SHISA9: variants seen among roughly 807,000 people sequenced by gnomAD.
The protein encoded by SHISA9 is shisa family member 9.
In SHISA9, 13 loss-of-function variants were observed where a neutral mutation model predicts 38.0. The ratio of observed to expected loss-of-function variants is 0.34; its 90% confidence interval spans 0.22 to 0.54. The LOEUF (loss-of-function observed/expected upper bound fraction) is 0.54, where lower values mean the gene tolerates loss of function less well. Among genes scored for constraint, SHISA9 ranks in the 20% least tolerant of loss-of-function variants. SHISA9 has a pLI of 0.91. For synonymous variants in SHISA9, 275 were observed against 242.0 expected (o/e 1.14, Z -1.27); for missense variants, 538 against 575.8 (o/e 0.93, Z 0.67).
the SHISA9 span, among the ~76,000 whole-genome samples, chr16:13,493,780 A>G: frequency 6.6e-6 from 1 of 152,174 alleles, no homozygotes; most frequent in Non-Finnish European, 1.5e-5. Flanking sequence ...ATTCACCTCT[A>G]TGTGCTAAGT....
chr16:13,387,715 C>T, the SHISA9 span, among the ~76,000 whole-genome samples: 2 of 152,058 alleles, frequency 1.3e-5, no homozygotes, highest in African/African-American at 4.8e-5. Context: ...GTCTTGATCT[C>T]CTGACCTGGT....
chr16:12,939,437 G>C (rs529239952), intron 2 of SHISA9, among the ~76,000 whole-genome samples: 1 of 152,272 alleles, frequency 6.6e-6, no homozygotes, highest in East Asian at 1.9e-4. Flanking sequence ...TCCTCCCAGA[G>C]GTTTGTTGTT....
chr16:13,403,868 T>A, the SHISA9 span, among the ~76,000 whole-genome samples: 4 of 152,222 alleles, frequency 2.6e-5, no homozygotes, highest in African/African-American at 9.6e-5. Flanking sequence ...TGCATTGGCC[T>A]CAGTTTCCTC....
the SHISA9 span, among the ~76,000 whole-genome samples, chr16:13,398,609 C>T: frequency 2.8e-3 from 423 of 151,686 alleles, 4 homozygotes; most frequent in East Asian, 0.054. Flanking sequence ...ACCTCCGGTT[C>T]GAGCGATTCT....
At chr16:13,297,689 G>C in the SHISA9 span, among the ~76,000 whole-genome samples, 1 of 152,318 alleles carries the variant, frequency 6.6e-6, no homozygotes, top group African/African-American at 2.4e-5. Flanking sequence ...GACAGTCAGA[G>C]AAAGAAGAAG....
chr16:13,017,250 C>T (rs574005734), intron 2 of SHISA9, among the ~76,000 whole-genome samples: 2 of 152,250 alleles, frequency 1.3e-5, no homozygotes, highest in Admixed American at 6.5e-5. Flanking sequence ...AAACTCCTGA[C>T]CTCAGGTGAT....
chr16:13,019,148 C>T (rs146658707), intron 2 of SHISA9, among the ~76,000 whole-genome samples: 1,762 of 152,230 alleles, frequency 0.012, 9 homozygotes, highest in South Asian at 0.024. Context: ...TATGGGCACT[C>T]ACCACCATGC....
chr16:13,232,257 A>G (rs943044476), intron 4 of SHISA9, among the ~76,000 whole-genome samples: 5 of 152,220 alleles, frequency 3.3e-5, no homozygotes, highest in Non-Finnish European at 7.3e-5. Flanking sequence ...AATTAATTTT[A>G]AAAGTGTAGA....
chr16:13,018,491 T>G (rs1165664632), intron 2 of SHISA9, among the ~76,000 whole-genome samples: 5 of 152,300 alleles, frequency 3.3e-5, no homozygotes, highest in Admixed American at 3.3e-4. Flanking sequence ...GGCTTACCTT[T>G]TACAAGCTGT....
chr16:13,233,210 G>A (rs1167275946), intron 4 of SHISA9, among the ~76,000 whole-genome samples: 2 of 151,800 alleles, frequency 1.3e-5, no homozygotes, highest in Admixed American at 6.6e-5. Context: ...ATAGAAATCT[G>A]GGCAAGATAA....
At chr16:13,029,178 G>T (rs1049444425) in intron 2 of SHISA9, among the ~76,000 whole-genome samples, 4 of 152,204 alleles carry the variant, frequency 2.6e-5, no homozygotes, top group African/African-American at 9.6e-5. Flanking sequence ...ATCAAAGAGA[G>T]ATCTGTACTC....
chr16:13,498,218 CA>C, the SHISA9 span, among the ~76,000 whole-genome samples: 2 of 152,172 alleles, frequency 1.3e-5, no homozygotes. Context: ...CCAAAAAAAT[CA>C]GTTTCATTAT....
At position 13,239,682 on chromosome 16, in the gene SHISA9, T is replaced by C. The variant is rs1388129473; in HGVS notation, c.*4273T>C. The C allele has an allele frequency of 6.6e-6, 1 of 152,164 alleles. No homozygotes were observed. Among genetic ancestry groups the C allele is most frequent in the Non-Finnish European group, 1.5e-5 (1 of 68,030 alleles). The allele number at this position is 152,164 out of a possible 1,614,324, so 9.4% of individuals were successfully genotyped here. A position where few individuals can be genotyped will look rare whatever the true frequency, so the allele number is the denominator to read the frequency against. On this transcript the variant is annotated 3_prime_UTR_variant, in exon 5 of 5. Transcript: ENST00000558583. ...CTTCGCCCACTTTTTGATGGGGTTGTTTGTTTTTTTCTTGTAAATTTGTTT... is the reference window on the plus strand; with the variant it reads ...CTTCGCCCACTTTTTGATGGGGTTGCTTGTTTTTTTCTTGTAAATTTGTTT...
At chr16:13,257,523 T>C in the SHISA9 span, among the ~76,000 whole-genome samples, 1 of 152,210 alleles carries the variant, frequency 6.6e-6, no homozygotes, top group Non-Finnish European at 1.5e-5. Context: ...TCTCTTGGCC[T>C]ATGTGAGGCT....
At chr16:13,138,022 C>G (rs954450614) in intron 2 of SHISA9, among the ~76,000 whole-genome samples, 6 of 152,122 alleles carry the variant, frequency 3.9e-5, no homozygotes, top group Non-Finnish European at 8.8e-5. Context: ...GATTTCTGGG[C>G]TTTAGCTCCA....
At chr16:13,497,162 A>G in the SHISA9 span, among the ~76,000 whole-genome samples, 3 of 152,172 alleles carry the variant, frequency 2.0e-5, no homozygotes, top group Non-Finnish European at 2.9e-5. Context: ...TTTTTAATTG[A>G]CAAATAATAA....
the SHISA9 span, among the ~76,000 whole-genome samples, chr16:13,520,984 C>T: frequency 3.9e-5 from 6 of 152,146 alleles, no homozygotes; most frequent in African/African-American, 7.2e-5. Context: ...ATTTCATTGT[C>T]GTGAGAACAC....
At chr16:13,096,330 A>G (rs561448492) in intron 2 of SHISA9, among the ~76,000 whole-genome samples, 35 of 152,296 alleles carry the variant, frequency 2.3e-4, no homozygotes, top group African/African-American at 7.2e-4. Context: ...GCCTTGCGAC[A>G]CAGAATGCAG....
chr16:13,182,730 A>C (rs2050788738), intron 2 of SHISA9, among the ~76,000 whole-genome samples: 1 of 152,250 alleles, frequency 6.6e-6, no homozygotes, highest in Non-Finnish European at 1.5e-5. Flanking sequence ...AAAAAACGTC[A>C]ACATCACTTT....
Sources: allele counts gnomAD v4.1 joint callset (sites outside exome capture counted in the v4.1 genomes callset), GRCh38; gene constraint gnomAD v4.1.1; transcripts MANE v1.5; gene names NCBI Gene and HGNC (gene_info 2026-07-23, HGNC 2026-07-21).